The following ZNF717 variants were observed in gnomAD, a reference collection of about 807,000 sequenced individuals.
The protein encoded by ZNF717 is zinc finger protein 717.
In ZNF717, 9 loss-of-function variants were observed where a neutral mutation model predicts 13.8. That is an observed-to-expected ratio of 0.65 (90% CI 0.39 to 1.14). The LOEUF (loss-of-function observed/expected upper bound fraction) is 1.14. Ranked by LOEUF, ZNF717 falls within the 50% of genes most tolerant of loss-of-function variation. The probability of loss-of-function intolerance (pLI) is 0.01; values close to 1 mark genes in which losing one functional copy is unlikely to be tolerated. For missense variants in ZNF717, 1,040 were observed against 1,080.7 expected, an observed-to-expected ratio of 0.96 and a Z score of 0.53; for synonymous variants, 327 against 364.1, an observed-to-expected ratio of 0.90 and a Z score of 1.16.
At chr3:75,745,436 C>T (rs189159805) in intron 2 of ZNF717, among the ~76,000 whole-genome samples, 275 of 152,174 alleles carry the variant, frequency 1.8e-3, no homozygotes, top group African/African-American at 5.9e-3. Flanking sequence ...TCAAATCTAG[C>T]TAATTAACAA....
In ZNF717 at chr3:75,758,506, G is replaced by A. The variant is rs547499006; in HGVS notation, c.58-16770C>T. Among the ~76,000 whole-genome samples the A allele has an allele frequency of 6.0e-4, 90 of 150,664 alleles. No homozygotes were observed. The East Asian group carries it at 0.012, about 19-fold the overall frequency. On this transcript the variant is annotated intron_variant, in intron 2 of 4. Transcript: ENST00000652011. ...ATAAACTTAGTTGGTACAGCAGTAC[G>A]AAGGCCTGACAGGATTGAATCCAAT... is the stretch of plus-strand genomic sequence containing the variant.
intron 2 of ZNF717, 115 bp downstream of exon 2, chr3:75,783,191 A>G (rs1373087044): frequency 2.1e-5 from 17 of 794,334 alleles, no homozygotes; most frequent in East Asian, 1.7e-4. Context: ...TTATTTATGT[A>G]TATTTCCTTC....
At chr3:75,761,371 A>C (rs1315473856) in intron 2 of ZNF717, among the ~76,000 whole-genome samples, 4 of 152,280 alleles carry the variant, frequency 2.6e-5, no homozygotes. Context: ...TAATAGATGG[A>C]AACTCCTCAG....
rs74740396 is a variant in ZNF717, at chr3:75,737,976, G to T, written c.1647C>A (p.Tyr549Ter). Residue 549 changes from tyrosine to a stop codon, truncating the protein, a stop_gained, in exon 5 of 5, where the codon TAC becomes TAA. Coordinates refer to ENST00000652011, the MANE Select transcript of ZNF717 (RefSeq NM_001290208.3). LOFTEE classifies it low-confidence loss of function (END_TRUNC). The part of the protein sequence containing the change: ...ECGKTYSHKS[Y>*]LTVHHRTHTG... ...TGTGAGTTCTGTGATGTACTGTAAG[G>T]TATGACTTGTGGCTATATGTTTTTC... 1.9e-6 allele frequency: 3 copies of T among 1,544,074 alleles called. No individual in the cohort carries two copies. Among genetic ancestry groups the T allele is most frequent in the Non-Finnish European group, 2.6e-6 (3 of 1,143,258 alleles).
chr3:75,754,911 T>A (rs1053804519), intron 2 of ZNF717, among the ~76,000 whole-genome samples: 1 of 150,150 alleles, frequency 6.7e-6, no homozygotes, highest in Non-Finnish European at 1.5e-5. Context: ...CTATATGAAA[T>A]AAAAGACAAA....
intron 2 of ZNF717, among the ~76,000 whole-genome samples, chr3:75,779,270 G>A (rs968451316): frequency 2.2e-4 from 33 of 149,392 alleles, no homozygotes; most frequent in Non-Finnish European, 3.8e-4. Context: ...TGCTAAAACC[G>A]GAACCCAAAA....
chr3:75,734,785 A>C (rs2918512), downstream of ZNF717, among the ~76,000 whole-genome samples: 50,991 of 139,286 alleles, frequency 0.37, 6,717 homozygotes, highest in South Asian at 0.53. Context: ...TATAATAACA[A>C]TGTATGCAAT....
chr3:75,764,340 A>C (rs1943261371), intron 2 of ZNF717, among the ~76,000 whole-genome samples: 1 of 152,216 alleles, frequency 6.6e-6, no homozygotes, highest in Non-Finnish European at 1.5e-5. Context: ...CCTCAGTAGC[A>C]GTGGTCTACC....
Position 75,736,477 on chromosome 3 carries a change from C to A in ZNF717, c.*401G>T. On this transcript the variant is annotated 3_prime_UTR_variant, in exon 5 of 5. Coordinates refer to ENST00000652011, the MANE Select transcript of ZNF717 (RefSeq NM_001290208.3). ...CATGAATGATTTTTAAAAAACAAAACAGGCTTTTTACTGACACAGAGAAAG... is the reference window on the plus strand; with the variant it reads ...CATGAATGATTTTTAAAAAACAAAAAAGGCTTTTTACTGACACAGAGAAAG... The A allele has an allele frequency of 5.6e-6, 1 of 177,522 alleles. No homozygotes were observed. Among genetic ancestry groups the A allele is most frequent in the Non-Finnish European group, 1.2e-5 (1 of 84,904 alleles). 11.0% of individuals were successfully genotyped at this position (177,522 alleles called of 1,614,324 possible).
intron 6 of ZNF717, among the ~76,000 whole-genome samples, chr3:75,702,412 A>G (rs1937713382): frequency 1.3e-5 from 2 of 152,312 alleles, no homozygotes; most frequent in Non-Finnish European, 2.9e-5. Flanking sequence ...GTGGGTGCTA[A>G]CATTCAAAAC....
exon 6 of ZNF717, chr3:75,730,286 A>T (rs1938449171): frequency 4.5e-6 from 1 of 221,894 alleles, no homozygotes; most frequent in Non-Finnish European, 8.7e-6. Context: ...AGAGGAAAAG[A>T]GGAAAACAGA....
intron 5 of ZNF717, among the ~76,000 whole-genome samples, chr3:75,730,819 T>C (rs1241277043): frequency 6.6e-6 from 1 of 152,244 alleles, no homozygotes; most frequent in African/African-American, 2.4e-5. Flanking sequence ...AAGCTCAATA[T>C]TAGAAAGTCT....
At chr3:75,731,857 T>G (rs1436138557), downstream of ZNF717, among the ~76,000 whole-genome samples, 4 of 152,194 alleles carry the variant, frequency 2.6e-5, no homozygotes, top group African/African-American at 9.7e-5. Context: ...CCCCCAAGAT[T>G]GGAGAGATAG....
At chr3:75,741,902 G>A in intron 2 of ZNF717, 166 bp from the exon 3 acceptor site, 1 of 828,606 alleles carries the variant, frequency 1.2e-6, no homozygotes, top group South Asian at 2.0e-5. Flanking sequence ...CAAAGCATCA[G>A]CCCAAAGATT....
rs568727765 is a variant in ZNF717, at chr3:75,755,136, C to T, written c.58-13400G>A. Reference sequence around the variant, plus strand: ...AGTGAAGGAGAATTAAGGCCTTCCTCAGAAAAATAAAAATTCAAGAAACTT... The same window carrying T: ...AGTGAAGGAGAATTAAGGCCTTCCTTAGAAAAATAAAAATTCAAGAAACTT... On this transcript the variant is annotated intron_variant, in intron 2 of 4. Transcript: ENST00000652011. Among the ~76,000 whole-genome samples, 688 of 152,252 alleles carry T rather than the reference C, an allele frequency of 4.5e-3. 2 individuals are homozygous for T. The highest frequency in any genetic ancestry group is 7.5e-3 in the Non-Finnish European group (512 of 68,010).
chr3:75,716,463 G>A lies in ZNF717; in HGVS notation n.623C>T, dbSNP rs1332758841. ...TTTATCATCTCTGGAGGGATGTGTC[G>A]TCCTTCATTAAGGTAGCTTATCCAA... On this transcript the variant is annotated non_coding_transcript_exon_variant, in exon 5 of 6. Transcript: ENST00000491507. 16 of 152,124 alleles carry A rather than the reference G, an allele frequency of 1.1e-4. No homozygotes were observed. The East Asian group carries it at 1.2e-3, about 11-fold the overall frequency. 9.4% of individuals were successfully genotyped at this position (152,124 alleles called of 1,614,324 possible). A position where few individuals can be genotyped will look rare whatever the true frequency, so the allele number is the denominator to read the frequency against.
intron 4 of ZNF717, among the ~76,000 whole-genome samples, chr3:75,722,457 C>G (rs1240420809): frequency 6.6e-6 from 1 of 152,098 alleles, no homozygotes; most frequent in South Asian, 2.1e-4. Context: ...GTTGTTTTGA[C>G]TAAGTGTGTG....
downstream of ZNF717, among the ~76,000 whole-genome samples, chr3:75,727,582 C>T (rs1938310145): frequency 6.6e-6 from 1 of 152,210 alleles, no homozygotes; most frequent in Non-Finnish European, 1.5e-5. Context: ...CTGAAATACA[C>T]CCTGGTCTCC....
chr3:75,747,179 G>T (rs1234344301), intron 2 of ZNF717, among the ~76,000 whole-genome samples: 45 of 152,148 alleles, frequency 3.0e-4, no homozygotes, highest in Non-Finnish European at 5.9e-4. Flanking sequence ...TAGATGTGTG[G>T]TATTATTTCT....
Sources: gnomAD v4.1 joint callset for allele counts (sites outside exome capture counted in the v4.1 genomes callset) on GRCh38, gnomAD v4.1.1 for gene constraint, MANE v1.5 for transcripts, NCBI Gene and HGNC (gene_info 2026-07-23, HGNC 2026-07-21) for gene names.